GCNT2: variants seen among roughly 807,000 people sequenced by gnomAD.
GCNT2 encodes the protein N-acetyllactosaminide beta-1,6-N-acetylglucosaminyl-transferase.
A neutral mutation model predicts 34.2 loss-of-function variants in GCNT2; 34 were observed. The observed-to-expected ratio is 1.00, with a 90% confidence interval of 0.76 to 1.32. GCNT2 has a LOEUF of 1.32. Ranked by LOEUF, GCNT2 falls within the 40% of genes most tolerant of loss-of-function variation. The pLI is 0.00. For missense variants in GCNT2, 584 were observed against 489.4 expected (o/e 1.19, Z -1.82); for synonymous variants, 212 against 188.0 (o/e 1.13, Z -1.04).
At position 10,560,442 on chromosome 6, in the gene GCNT2, G is replaced by A. The variant is rs541962101; in HGVS notation, c.925+30606G>A. ...TTTAAGAGGAAAAATTCTTCTGTCC[G>A]TACAGGGTAAACATCTTTTTGCAAA... On this transcript the variant is annotated intron_variant, in intron 3 of 4. Transcript: ENST00000495262. Among the ~76,000 whole-genome samples the A allele has an allele frequency of 4.6e-5, 7 of 152,108 alleles. No individual in the cohort carries two copies. In the East Asian group the frequency reaches 5.8e-4, roughly 13 times the overall value.
chr6:10,566,881 G>A (rs1763306677), intron 3 of GCNT2, among the ~76,000 whole-genome samples: 1 of 152,234 alleles, frequency 6.6e-6, no homozygotes, highest in African/African-American at 2.4e-5. Context: ...TCCAGAGTAA[G>A]CCAAGGAGTC....
At chr6:10,545,645 A>G (rs1361158286) in intron 3 of GCNT2, among the ~76,000 whole-genome samples, 1 of 152,220 alleles carries the variant, frequency 6.6e-6, no homozygotes, top group Non-Finnish European at 1.5e-5. Flanking sequence ...TCACCCTTGT[A>G]GAATTTTCCA....
chr6:10,581,479 AG>A (rs765531029), intron 3 of GCNT2, among the ~76,000 whole-genome samples: 1 of 152,124 alleles, frequency 6.6e-6, no homozygotes, highest in Non-Finnish European at 1.5e-5. Flanking sequence ...CATGATGGTC[AG>A]GCTGGTCTCG....
intron 3 of GCNT2, among the ~76,000 whole-genome samples, chr6:10,565,391 GCAGAGGGAA>G (rs1763230332): frequency 1.2e-5 from 1 of 84,808 alleles, no homozygotes; most frequent in Non-Finnish European, 2.7e-5. Flanking sequence ...TCAAGGGAAA[GCAGAGGGAA>G]AGCAGATAAG....
chr6:10,622,382 C>T (rs560173249), intron 4 of GCNT2, among the ~76,000 whole-genome samples: 2 of 152,038 alleles, frequency 1.3e-5, no homozygotes, highest in South Asian at 4.2e-4. Flanking sequence ...TAAGGCCTCT[C>T]TGCTTGGCTT....
intron 3 of GCNT2, among the ~76,000 whole-genome samples, chr6:10,554,248 T>C (rs1450970657): frequency 1.3e-5 from 2 of 152,188 alleles, no homozygotes; most frequent in African/African-American, 2.4e-5. Flanking sequence ...CTGTCAAGAT[T>C]TTTTAATACC....
At position 10,613,449 on chromosome 6, in the gene GCNT2, C is replaced by T. The variant is rs372650592; in HGVS notation, c.926-7902C>T. Among the ~76,000 whole-genome samples, 44 of 151,804 alleles carry T rather than the reference C, an allele frequency of 2.9e-4. 1 individual carries two copies. Among genetic ancestry groups the T allele is most frequent in the African/African-American group, 9.9e-4 (41 of 41,376 alleles). On this transcript the variant is annotated intron_variant, in intron 3 of 4. Coordinates refer to ENST00000495262, the MANE Select transcript of GCNT2 (RefSeq NM_145649.5). ...CTAGGATTCTTGTGAATGAAGGGTA[C>T]GGTCCTACCCATACTCCCCATAACT...
rs76824729 is a variant in GCNT2 at position 10,565,564 on chromosome 6, A to G, written c.925+35728A>G. The stretch of plus-strand genomic sequence containing the variant: ...GCACAAAGCTCTCTTCAGCATGAAC[A>G]CTACCCTATAAAATCTCCAGCAAGG... On this transcript the variant is annotated intron_variant, in intron 3 of 4. Transcript: ENST00000495262. 4.3e-3 allele frequency among the ~76,000 whole-genome samples: 650 copies of G among 152,300 alleles called. 3 individuals are homozygous for G. Among genetic ancestry groups the G allele is most frequent in the African/African-American group, 0.015 (617 of 41,560 alleles).
chr6:10,533,083 G>A (rs895892721), intron 3 of GCNT2, among the ~76,000 whole-genome samples: 14 of 151,738 alleles, frequency 9.2e-5, no homozygotes, highest in Non-Finnish European at 4.4e-5. Context: ...GAGCTGGGTG[G>A]ATCGCCTGAA....
At chr6:10,604,901 A>AAACATCTT (rs1207423106) in intron 3 of GCNT2, among the ~76,000 whole-genome samples, 2 of 151,844 alleles carry the variant, frequency 1.3e-5, no homozygotes, top group Non-Finnish European at 2.9e-5. Context: ...TATTATCTTT[A>AAACATCTT]TAAAAAAGAT....
chr6:10,537,946 C>T (rs1230683536), intron 3 of GCNT2, among the ~76,000 whole-genome samples: 6 of 151,794 alleles, frequency 4.0e-5, no homozygotes, highest in Non-Finnish European at 7.4e-5. Context: ...AGTTGTTTAC[C>T]CTCATGATCT....
At chr6:10,571,874 TTA>T (rs1418033005) in intron 3 of GCNT2, among the ~76,000 whole-genome samples, 1 of 150,200 alleles carries the variant, frequency 6.7e-6, no homozygotes, top group Non-Finnish European at 1.5e-5. Context: ...CACTATAGAC[TTA>T]GTGATGATTT....
At chr6:10,537,214 CT>C (rs1442441866) in intron 3 of GCNT2, among the ~76,000 whole-genome samples, 1 of 152,190 alleles carries the variant, frequency 6.6e-6, no homozygotes, top group African/African-American at 2.4e-5. Flanking sequence ...TGCAAGTGAT[CT>C]TATCTTTGCT....
chr6:10,590,216 A>G (rs1398255150), intron 3 of GCNT2, among the ~76,000 whole-genome samples: 1 of 152,060 alleles, frequency 6.6e-6, no homozygotes, highest in Non-Finnish European at 1.5e-5. Context: ...TGGGCAACAT[A>G]GTGAGATCCC....
intron 3 of GCNT2, among the ~76,000 whole-genome samples, chr6:10,584,670 T>A (rs2127411208): frequency 6.6e-6 from 1 of 152,294 alleles, no homozygotes; most frequent in Non-Finnish European, 1.5e-5. Context: ...GAATGGAGAA[T>A]GGCGATGACT....
chr6:10,567,393 G>A (rs1349722515), intron 3 of GCNT2, among the ~76,000 whole-genome samples: 2 of 152,158 alleles, frequency 1.3e-5, no homozygotes, highest in Admixed American at 6.5e-5. Context: ...AGAGATGAAG[G>A]CTGCAATGAG....
chr6:10,529,866 C>T (rs1263994820), intron 3 of GCNT2, 30 bp downstream of exon 3: 14 of 1,493,690 alleles, frequency 9.4e-6, no homozygotes, highest in South Asian at 2.3e-5. Flanking sequence ...TTTATTTTTA[C>T]GAATAAACAC....
chr6:10,556,708 G>A lies in GCNT2; in HGVS notation c.925+26872G>A, dbSNP rs768365388. 2.5e-6 allele frequency: 4 copies of A among 1,614,150 alleles called. No homozygotes were observed. In the East Asian group the frequency reaches 6.7e-5, roughly 27 times the overall value. ...CTAAGGAAGAAGCTGACTTTCCCTT[G>A]GCATATATAATGGTCATCCATCATC... On this transcript the variant is annotated intron_variant, in intron 3 of 4. Coordinates refer to ENST00000495262, the MANE Select transcript of GCNT2 (RefSeq NM_145649.5).
At chr6:10,532,706 C>T (rs1451450149) in intron 3 of GCNT2, among the ~76,000 whole-genome samples, 2 of 152,242 alleles carry the variant, frequency 1.3e-5, no homozygotes, top group Non-Finnish European at 2.9e-5. Context: ...TGGGCCCAAG[C>T]GATCCTCCTG....
Sources: allele counts gnomAD v4.1 joint callset (sites outside exome capture counted in the v4.1 genomes callset), GRCh38; gene constraint gnomAD v4.1.1; transcripts MANE v1.5; gene names NCBI Gene and HGNC (gene_info 2026-07-23, HGNC 2026-07-21).